Variants in PATJ observed in about 807,000 individuals in gnomAD.
The protein encoded by PATJ is inaD-like protein.
Under a neutral mutation model 224.9 loss-of-function variants are expected in PATJ, and 190 were observed. The observed-to-expected ratio is 0.84, with a 90% CI of 0.75 to 0.95. The LOEUF is 0.95. Ranked by LOEUF, PATJ falls within the 40% of genes least tolerant of loss-of-function variation. The probability of loss-of-function intolerance (pLI) is 0.00; values close to 1 mark genes in which losing one functional copy is unlikely to be tolerated. For missense variants in PATJ, 2,121 were observed against 2,270.3 expected, an observed-to-expected ratio of 0.93 and a Z score of 1.34; for synonymous variants, 769 against 820.3, an observed-to-expected ratio of 0.94 and a Z score of 1.07.
chr1:62,106,373 A>AAGC (rs1663051792), intron 33 of PATJ, among the ~76,000 whole-genome samples: 1 of 150,364 alleles, frequency 6.7e-6, no homozygotes. Flanking sequence ...TGGGAGGCTG[A>AAGC]AGCAGGAGGA....
intron 39 of PATJ, among the ~76,000 whole-genome samples, chr1:62,124,953 G>A (rs1297713103): frequency 6.6e-6 from 1 of 152,086 alleles, no homozygotes; most frequent in Non-Finnish European, 1.5e-5. Flanking sequence ...ACAGCTGGGT[G>A]CGGTGGCTCA....
rs536747311 is a variant in PATJ at position 61,875,113 on chromosome 1, A to C, written c.2836-130A>C. ...ATTTGTTACTGCTTACCACAGTATA[A>C]ACCATTACTTGAGAATGCCTGTTTG... On this transcript the variant is annotated intron_variant, in intron 20 of 43. Transcript: ENST00000642238. 3.3e-4 allele frequency: 189 copies of C among 567,380 alleles called. 4 individuals are homozygous for C. The South Asian group carries it at 4.4e-3, about 13-fold the overall frequency. The allele number at this position is 567,380 out of a possible 1,614,324, so 35.1% of individuals were successfully genotyped here.
chr1:61,793,204 G>A (rs915424569), intron 9 of PATJ, among the ~76,000 whole-genome samples: 1 of 152,098 alleles, frequency 6.6e-6, no homozygotes, highest in African/African-American at 2.4e-5. Context: ...CTCCCCAGTA[G>A]CTGGGACTAT....
At chr1:61,983,635 T>C (rs956461381) in intron 27 of PATJ, among the ~76,000 whole-genome samples, 2 of 152,062 alleles carry the variant, frequency 1.3e-5, no homozygotes, top group Admixed American at 1.3e-4. Context: ...TTGAAGAGGA[T>C]CTTCAAAATC....
chr1:61,965,526 C>T (rs961906394), intron 27 of PATJ, among the ~76,000 whole-genome samples: 1 of 152,210 alleles, frequency 6.6e-6, no homozygotes, highest in African/African-American at 2.4e-5. Flanking sequence ...CTCACTCTCA[C>T]TAACGTTGTC....
At chr1:62,125,274 A>C (rs968078158) in intron 39 of PATJ, among the ~76,000 whole-genome samples, 20 of 145,894 alleles carry the variant, frequency 1.4e-4, no homozygotes, top group African/African-American at 4.0e-4. Flanking sequence ...CAAAAAAAAA[A>C]CGCCATTAGC....
chr1:61,815,274 CA>C (rs1655874193), intron 14 of PATJ, among the ~76,000 whole-genome samples: 1 of 152,066 alleles, frequency 6.6e-6, no homozygotes, highest in African/African-American at 2.4e-5. Context: ...GTGTCTGGGT[CA>C]AACTAAGTGA....
chr1:61,868,698 A>T (rs781102739), intron 20 of PATJ, among the ~76,000 whole-genome samples: 1 of 152,098 alleles, frequency 6.6e-6, no homozygotes, highest in Non-Finnish European at 1.5e-5. Context: ...CTGAGCCAGG[A>T]GAATCGCTTC....
At position 61,812,200 on chromosome 1, in the gene PATJ, G is replaced by A. The variant is rs115085608; in HGVS notation, c.1683+3670G>A. ...AACTTTGGATCTGTTTCTGTCATTC[G>A]ATGTTTTGTCTTTTTGTTTGGGTAT... is the stretch of plus-strand genomic sequence containing the variant. On this transcript the variant is annotated intron_variant, in intron 14 of 43. Coordinates refer to ENST00000642238, the MANE Select transcript of PATJ (RefSeq NM_001350145.3). Among the ~76,000 whole-genome samples, 1,245 of 151,940 alleles carry A rather than the reference G, an allele frequency of 8.2e-3. 12 individuals carry two copies. The highest frequency in any genetic ancestry group is 0.015 in the Admixed American group (225 of 15,264).
intron 4 of PATJ, among the ~76,000 whole-genome samples, chr1:61,768,407 T>C (rs1646411482): frequency 6.6e-6 from 1 of 150,956 alleles, no homozygotes; most frequent in African/African-American, 2.4e-5. Flanking sequence ...GAGGCGGAGC[T>C]TGCAGTGAGC....
At chr1:62,123,239 G>A (rs933256684) in intron 39 of PATJ, among the ~76,000 whole-genome samples, 181 bp downstream of exon 39, 1 of 151,992 alleles carries the variant, frequency 6.6e-6, no homozygotes, top group Non-Finnish European at 1.5e-5. Flanking sequence ...GCACAGAGAT[G>A]ACCTCTATGA....
intron 22 of PATJ, among the ~76,000 whole-genome samples, chr1:61,897,596 A>G (rs1670561844): frequency 6.6e-6 from 1 of 152,246 alleles, no homozygotes; most frequent in African/African-American, 2.4e-5. Flanking sequence ...AGGGGAGGGC[A>G]TAGAGCAAAA....
chr1:61,869,699 C>G (rs1051408634), intron 20 of PATJ, among the ~76,000 whole-genome samples: 1 of 152,232 alleles, frequency 6.6e-6, no homozygotes, highest in Non-Finnish European at 1.5e-5. Context: ...GCCCACTGCT[C>G]TCCTCGAGGG....
intron 41 of PATJ, 144 bp from the exon 42 acceptor site, chr1:62,148,140 A>AT (rs1668254297): frequency 2.0e-6 from 1 of 506,116 alleles, no homozygotes; most frequent in African/African-American, 1.9e-5. Flanking sequence ...AAAAAAAAAA[A>AT]AGTTTGAGAG....
chr1:62,059,541 C>T (rs987898203), intron 31 of PATJ, among the ~76,000 whole-genome samples: 1 of 151,584 alleles, frequency 6.6e-6, no homozygotes, highest in African/African-American at 2.4e-5. Flanking sequence ...CGCTTGAACC[C>T]GGGAGACGGA....
rs139655602 is a variant in PATJ at position 62,007,939 on chromosome 1, G to A, written c.3868-9917G>A. Among the ~76,000 whole-genome samples the A allele has an allele frequency of 2.6e-5, 4 of 152,210 alleles. No homozygotes were observed. The East Asian group carries it at 7.7e-4, about 29-fold the overall frequency. On this transcript the variant is annotated intron_variant, in intron 28 of 43. Transcript: ENST00000642238. The stretch of plus-strand genomic sequence containing the variant: ...ATTTGCAGAGGGACATAAAAATTCA[G>A]CCCATAACAATAGCTTCACCAAAAA...
intron 29 of PATJ, among the ~76,000 whole-genome samples, chr1:62,031,409 A>G (rs1649260627): frequency 6.6e-6 from 1 of 152,222 alleles, no homozygotes. Context: ...AAAGCATTTT[A>G]TAGTCATTAT....
intron 31 of PATJ, among the ~76,000 whole-genome samples, chr1:62,070,698 G>T (rs1657236334): frequency 1.3e-5 from 2 of 152,086 alleles, no homozygotes; most frequent in South Asian, 2.1e-4. Flanking sequence ...TTTATAAAGG[G>T]CAGGGGAGCA....
chr1:61,904,413 A>G (rs1427892168), intron 24 of PATJ, among the ~76,000 whole-genome samples: 1 of 152,226 alleles, frequency 6.6e-6, no homozygotes, highest in African/African-American at 2.4e-5. Flanking sequence ...AGAAATTGAC[A>G]TTGGCTCAAT....
Sources: gnomAD v4.1 joint callset for allele counts (sites outside exome capture counted in the v4.1 genomes callset) on GRCh38, gnomAD v4.1.1 for gene constraint, MANE v1.5 for transcripts, NCBI Gene and HGNC (gene_info 2026-07-23, HGNC 2026-07-21) for gene names.